SHC3: variants seen among roughly 807,000 people sequenced by gnomAD.
SHC3 encodes SHC adaptor protein 3, also known as SHC-transforming protein 3.
Under a neutral mutation model 60.4 loss-of-function variants are expected in SHC3, and 15 were observed. The observed-to-expected ratio is 0.25, with a 90% CI of 0.17 to 0.38. The LOEUF is 0.38. Ranked by LOEUF, SHC3 falls within the 10% of genes least tolerant of loss-of-function variation. The probability of loss-of-function intolerance (pLI) is 1.00; values close to 1 mark genes in which losing one functional copy is unlikely to be tolerated. For missense variants in SHC3, 677 were observed against 786.1 expected, an observed-to-expected ratio of 0.86 and a Z score of 1.66; for synonymous variants, 294 against 325.9, an observed-to-expected ratio of 0.90 and a Z score of 1.05.
At chr9:89,105,802 C>T (rs1825850019) in intron 2 of SHC3, among the ~76,000 whole-genome samples, 1 of 152,180 alleles carries the variant, frequency 6.6e-6, no homozygotes, top group South Asian at 2.1e-4. Flanking sequence ...ATTAATGCCA[C>T]ATCACCACAT....
At chr9:89,111,614 C>T (rs1825948181) in intron 2 of SHC3, among the ~76,000 whole-genome samples, 1 of 151,812 alleles carries the variant, frequency 6.6e-6, no homozygotes, top group Admixed American at 6.6e-5. Context: ...AACTCTTTGA[C>T]CATGAATTTC....
intron 1 of SHC3, among the ~76,000 whole-genome samples, chr9:89,126,470 A>G (rs1213757608): frequency 6.6e-6 from 1 of 152,202 alleles, no homozygotes; most frequent in Non-Finnish European, 1.5e-5. Flanking sequence ...GATGGGATTA[A>G]GCATGTTCAA....
At chr9:89,142,673 C>CAA (rs769333860) in intron 1 of SHC3, among the ~76,000 whole-genome samples, 6,360 of 83,556 alleles carry the variant, frequency 0.076, 218 homozygotes, top group Middle Eastern at 0.14. Flanking sequence ...GAGACTCTGT[C>CAA]AAAAAAAAAA....
intron 2 of SHC3, among the ~76,000 whole-genome samples, chr9:89,091,063 G>A (rs1825614209): frequency 6.6e-6 from 1 of 152,178 alleles, no homozygotes; most frequent in African/African-American, 2.4e-5. Context: ...TGTTCCCAGA[G>A]ATAAGGATGA....
At position 89,035,864 on chromosome 9, in the gene SHC3, T is replaced by TA. The variant is rs1462006154; in HGVS notation, c.1656+2128_1656+2129insT. Among the ~76,000 whole-genome samples the TA allele has an allele frequency of 2.6e-4, 14 of 53,140 alleles. No individual in the cohort carries two copies. In the East Asian group the frequency reaches 0.041, roughly 155 times the overall value. The allele number at this position is 53,140 out of a possible 152,430, so 34.9% of individuals were successfully genotyped here. ...ATATATATATAGATGTGTGTGTGTG[T>TA]GTGTGTGTGTGTGTGTGTGTGTGTG... On this transcript the variant is annotated intron_variant, in intron 11 of 11. Coordinates refer to ENST00000375835, the MANE Select transcript of SHC3 (RefSeq NM_016848.6).
Position 89,136,777 on chromosome 9 carries a change from A to G in SHC3, c.475-24151T>C, listed in dbSNP as rs781106249. Among the ~76,000 whole-genome samples, 140 of 152,304 alleles carry G rather than the reference A, an allele frequency of 9.2e-4. 1 individual carries two copies. The highest frequency in any genetic ancestry group is 1.3e-3 in the Non-Finnish European group (88 of 68,022). On this transcript the variant is annotated intron_variant, in intron 1 of 11. Coordinates refer to ENST00000375835, the MANE Select transcript of SHC3 (RefSeq NM_016848.6). ...CGAATTCTTTCTTGTGCGAGATCCA[A>G]GAATACTCTCTTGGGGTCTGGATTG...
chr9:89,173,150 G>A (rs1826894064), intron 1 of SHC3, among the ~76,000 whole-genome samples: 1 of 152,246 alleles, frequency 6.6e-6, no homozygotes, highest in South Asian at 2.1e-4. Context: ...TGAGCTGACT[G>A]CTCTAGCCCC....
intron 1 of SHC3, among the ~76,000 whole-genome samples, chr9:89,167,400 A>G (rs1201447215): frequency 6.6e-5 from 10 of 152,138 alleles, no homozygotes; most frequent in Admixed American, 2.0e-4. Context: ...ACCCTGGAGA[A>G]CTCAGCCCAA....
chr9:89,064,860 AG>A lies in SHC3; in HGVS notation c.835+668del, dbSNP rs5899065. Among the ~76,000 whole-genome samples the A allele has an allele frequency of 2.6e-5, 4 of 152,236 alleles. No homozygotes were observed. In the East Asian group the frequency reaches 5.8e-4, roughly 22 times the overall value. On this transcript the variant is annotated intron_variant, in intron 6 of 11. Transcript: ENST00000375835. ...GAAAATCTTAGTTGGTACCTGGGGT[AG>A]GGGGGTAGTGAAAGGGAGTGCTGTT...
intron 11 of SHC3, among the ~76,000 whole-genome samples, chr9:89,014,794 C>A (rs1826067777): frequency 1.3e-5 from 2 of 152,174 alleles, no homozygotes; most frequent in African/African-American, 2.4e-5. Context: ...GGACTTTCAA[C>A]CCCCATCCTG....
chr9:89,129,854 G>A (rs972084667), intron 1 of SHC3, among the ~76,000 whole-genome samples: 2 of 152,096 alleles, frequency 1.3e-5, no homozygotes, highest in Non-Finnish European at 2.9e-5. Flanking sequence ...ATCAACTAAC[G>A]AGAAAAATAA....
intron 1 of SHC3, among the ~76,000 whole-genome samples, chr9:89,131,753 A>G (rs962040346): frequency 6.6e-6 from 1 of 152,136 alleles, no homozygotes; most frequent in Admixed American, 6.6e-5. Context: ...TTGATGGGAC[A>G]TACCTCAAAA....
intron 11 of SHC3, among the ~76,000 whole-genome samples, chr9:89,030,408 C>T (rs972482047): frequency 7.2e-5 from 11 of 152,158 alleles, no homozygotes; most frequent in South Asian, 2.1e-4. Context: ...CTCCATGCAA[C>T]GACATTCTTT....
intron 4 of SHC3, 142 bp downstream of exon 4, chr9:89,074,967 A>G (rs1307621385): frequency 9.2e-6 from 10 of 1,089,710 alleles, no homozygotes; most frequent in African/African-American, 1.6e-5. Context: ...GTGATCCTTC[A>G]AAGTGGCCAA....
chr9:89,168,023 CA>C (rs1826815286), intron 1 of SHC3, among the ~76,000 whole-genome samples: 1 of 152,242 alleles, frequency 6.6e-6, no homozygotes, highest in African/African-American at 2.4e-5. Flanking sequence ...GAACCACAGC[CA>C]TGGGCCCTTG....
intron 6 of SHC3, among the ~76,000 whole-genome samples, chr9:89,062,066 C>T (rs899885095): frequency 6.6e-6 from 1 of 152,112 alleles, no homozygotes; most frequent in Non-Finnish European, 1.5e-5. Context: ...ATAAAGTATA[C>T]GAATTACATG....
At chr9:89,165,792 G>A (rs151298966) in intron 1 of SHC3, among the ~76,000 whole-genome samples, 24 of 152,266 alleles carry the variant, frequency 1.6e-4, no homozygotes, top group Middle Eastern at 6.8e-3. Flanking sequence ...AAAGGCCTCC[G>A]AAATGGTAGA....
chr9:89,032,209 T>C (rs902930459), intron 11 of SHC3, among the ~76,000 whole-genome samples: 1 of 152,150 alleles, frequency 6.6e-6, no homozygotes, highest in Non-Finnish European at 1.5e-5. Context: ...AAAGGGAATT[T>C]AAAAATAACA....
chr9:89,074,139 G>A lies in SHC3; in HGVS notation c.729+970C>T, dbSNP rs1825316602. On this transcript the variant is annotated intron_variant, in intron 4 of 11. Coordinates refer to ENST00000375835, the MANE Select transcript of SHC3 (RefSeq NM_016848.6). The stretch of plus-strand genomic sequence containing the variant: ...ATTTCAACATCTTGGGTGGCAGGTG[G>A]AGGAATAAATGAAGCTGGAGATGCT... Among the ~76,000 whole-genome samples, 3 of 152,236 alleles carry A rather than the reference G, an allele frequency of 2.0e-5. No individual in the cohort carries two copies. The South Asian group carries it at 6.2e-4, about 32-fold the overall frequency.
Sources: gnomAD v4.1 joint callset for allele counts (sites outside exome capture counted in the v4.1 genomes callset) on GRCh38, gnomAD v4.1.1 for gene constraint, MANE v1.5 for transcripts, NCBI Gene and HGNC (gene_info 2026-07-23, HGNC 2026-07-21) for gene names.